DCP2: variants seen among roughly 807,000 people sequenced by gnomAD.
DCP2 encodes the protein decapping mRNA 2, also known as m7GpppN-mRNA hydrolase.
A neutral mutation model predicts 56.1 loss-of-function variants in DCP2; 30 were observed. The observed-to-expected ratio is 0.53, with a 90% CI of 0.40 to 0.73. The LOEUF is 0.73. Among genes scored for constraint, DCP2 ranks in the 30% least tolerant of loss-of-function variants. DCP2 has a pLI of 0.00. For missense variants in DCP2, 533 were observed against 502.7 expected (o/e 1.06, Z -0.58); for synonymous variants, 197 against 163.3 (o/e 1.21, Z -1.57).
chr5:113,021,793 CTA>C lies in DCP2; in HGVS notation c.*8313_*8314del, dbSNP rs1285124256. On this transcript the variant is annotated 3_prime_UTR_variant, in exon 11 of 11. Transcript: ENST00000389063. Reference sequence around the variant, plus strand: ...CAAAGCTGCTTGCCATCTTGTTGTCCTATATGACTTCCTTGCATTTCCAGTCC... The same window carrying C: ...CAAAGCTGCTTGCCATCTTGTTGTCCTATGACTTCCTTGCATTTCCAGTCC... Among the ~76,000 whole-genome samples the C allele has an allele frequency of 1.3e-5, 2 of 152,174 alleles. No homozygotes were observed. The highest frequency in any genetic ancestry group is 2.4e-5 in the African/African-American group (1 of 41,442).
intron 2 of DCP2, among the ~76,000 whole-genome samples, 183 bp downstream of exon 2, chr5:112,986,169 T>A (rs188709305): frequency 2.0e-5 from 3 of 152,186 alleles, no homozygotes; most frequent in Admixed American, 2.0e-4. Flanking sequence ...ATCATAATCA[T>A]TAATACTCAT....
chr5:113,010,334 C>T (rs1749629118), intron 9 of DCP2, among the ~76,000 whole-genome samples: 1 of 151,600 alleles, frequency 6.6e-6, no homozygotes, highest in Non-Finnish European at 1.5e-5. Flanking sequence ...CTGTGAGCCA[C>T]TGTCTCTGGC....
rs191162309 is a variant in DCP2, at chr5:113,006,852, G to C, written c.943-1086G>C. 3.9e-5 allele frequency among the ~76,000 whole-genome samples: 6 copies of C among 152,256 alleles called. No individual in the cohort carries two copies. In the East Asian group the frequency reaches 1.2e-3, roughly 29 times the overall value. On this transcript the variant is annotated intron_variant, in intron 8 of 10. Coordinates refer to ENST00000389063, the MANE Select transcript of DCP2 (RefSeq NM_152624.6). ...CCCACATTTTAAAACATAAATCTTA[G>C]CCGGGAACGTTGGCTCACACCTGTA... is the stretch of plus-strand genomic sequence containing the variant.
intron 9 of DCP2, among the ~76,000 whole-genome samples, chr5:113,009,518 A>G (rs1313928775): frequency 3.9e-5 from 6 of 152,238 alleles, no homozygotes; most frequent in Admixed American, 3.9e-4. Flanking sequence ...CATAAAAATT[A>G]CTAATTGGTA....
At chr5:112,998,953 C>G (rs1020983930) in intron 4 of DCP2, among the ~76,000 whole-genome samples, 6 of 152,156 alleles carry the variant, frequency 3.9e-5, no homozygotes, top group Non-Finnish European at 7.3e-5. Flanking sequence ...CACTAATTGC[C>G]CATTATGATT....
At chr5:113,010,561 TA>T (rs1295470420) in intron 9 of DCP2, among the ~76,000 whole-genome samples, 194 bp from the exon 10 acceptor site, 1 of 151,934 alleles carries the variant, frequency 6.6e-6, no homozygotes, top group Admixed American at 6.6e-5. Flanking sequence ...AATCAAGAAC[TA>T]AAAAAAATTT....
rs886780891 is a variant in DCP2 at position 113,017,559 on chromosome 5, G to C, written c.*4075G>C. ...TCTTGAAGTCTGTACTCCTGTGTCA[G>C]AAAGATGGCAGACTGCAAATGGGCA... On this transcript the variant is annotated 3_prime_UTR_variant, in exon 11 of 11. Transcript: ENST00000389063. 1.3e-5 allele frequency: 2 copies of C among 152,150 alleles called. No individual in the cohort carries two copies. Among genetic ancestry groups the C allele is most frequent in the African/African-American group, 4.8e-5 (2 of 41,436 alleles). 9.4% of individuals were successfully genotyped at this position (152,150 alleles called of 1,614,324 possible). A position where few individuals can be genotyped will look rare whatever the true frequency, so the allele number is the denominator to read the frequency against.
rs1390871717 is a variant in DCP2, at chr5:112,984,698, AAAAAAAT to A, written c.54-1135_54-1129del. 3.6e-5 allele frequency: 4 copies of A among 111,910 alleles called. No individual in the cohort carries two copies. In the South Asian group the frequency reaches 8.1e-4, roughly 23 times the overall value. 6.9% of individuals were successfully genotyped at this position (111,910 alleles called of 1,614,324 possible). A position where few individuals can be genotyped will look rare whatever the true frequency, so the allele number is the denominator to read the frequency against. On this transcript the variant is annotated intron_variant, in intron 1 of 10. Coordinates refer to ENST00000389063, the MANE Select transcript of DCP2 (RefSeq NM_152624.6). ...TTTATTTCTTAATTAAAAAAAAAAA[AAAAAAAT>A]ATATATATATATATATATATTTGAG...
At chr5:113,008,069 T>C (rs769289889) in intron 9 of DCP2, 27 bp downstream of exon 9, 5 of 1,575,036 alleles carry the variant, frequency 3.2e-6, no homozygotes, top group East Asian at 2.2e-5. Flanking sequence ...TCACACTAAG[T>C]AGGCAGTTCA....
At chr5:112,986,359 A>G (rs1467271801) in intron 2 of DCP2, among the ~76,000 whole-genome samples, 2 of 149,800 alleles carry the variant, frequency 1.3e-5, no homozygotes, top group Non-Finnish European at 3.0e-5. Flanking sequence ...TTTTTAAGAG[A>G]CAGGATCTTA....
At position 113,014,087 on chromosome 5, in the gene DCP2, T is replaced by A. The variant is rs1749788002; in HGVS notation, c.*603T>A. On this transcript the variant is annotated 3_prime_UTR_variant, in exon 11 of 11. Coordinates refer to ENST00000389063, the MANE Select transcript of DCP2 (RefSeq NM_152624.6). ...GCATGTCCAAAATGAACTCAGCGCT[T>A]CAAAAGGACAAAGTCTGTAGCCTGG... The A allele has an allele frequency of 6.6e-6, 1 of 152,266 alleles. No homozygotes were observed. The highest frequency in any genetic ancestry group is 1.9e-4 in the East Asian group (1 of 5,190). 9.4% of individuals were successfully genotyped at this position (152,266 alleles called of 1,614,324 possible).
intron 2 of DCP2, among the ~76,000 whole-genome samples, chr5:112,991,016 C>T (rs986458378): frequency 6.6e-6 from 1 of 151,908 alleles, no homozygotes; most frequent in Non-Finnish European, 1.5e-5. Flanking sequence ...ACATTCCTTT[C>T]TATATTATGT....
At position 113,017,545 on chromosome 5, in the gene DCP2, G is replaced by A. The variant is rs1262315719; in HGVS notation, c.*4061G>A. ...TAGAATTGAGTTGCTCTTGAAGTCT[G>A]TACTCCTGTGTCAGAAAGATGGCAG... On this transcript the variant is annotated 3_prime_UTR_variant, in exon 11 of 11. Coordinates refer to ENST00000389063, the MANE Select transcript of DCP2 (RefSeq NM_152624.6). The A allele has an allele frequency of 6.6e-6, 1 of 152,162 alleles. No individual in the cohort carries two copies. The highest frequency in any genetic ancestry group is 6.5e-5 in the Admixed American group (1 of 15,270). 9.4% of individuals were successfully genotyped at this position (152,162 alleles called of 1,614,324 possible). A position where few individuals can be genotyped will look rare whatever the true frequency, so the allele number is the denominator to read the frequency against.
At chr5:112,993,243 C>A (rs985786146) in intron 4 of DCP2, among the ~76,000 whole-genome samples, 1 of 152,164 alleles carries the variant, frequency 6.6e-6, no homozygotes, top group Admixed American at 6.5e-5. Context: ...CCCTCTCCCC[C>A]ACACAAATCT....
At chr5:113,007,820 G>T in intron 8 of DCP2, 118 bp from the exon 9 acceptor site, 1 of 758,046 alleles carries the variant, frequency 1.3e-6, no homozygotes, top group Non-Finnish European at 2.1e-6. Context: ...TGAAAATTTG[G>T]GTAGGAGAAG....
At chr5:113,013,213 G>A (rs1042416935) in intron 10 of DCP2, 108 bp from the exon 11 acceptor site, 2 of 1,205,800 alleles carry the variant, frequency 1.7e-6, no homozygotes, top group Middle Eastern at 2.4e-4. Flanking sequence ...AGTCTGGGAA[G>A]ATAAATATAT....
At chr5:113,005,151 G>GTGTGTGTGTGTGTGTGT (rs1749361092) in intron 8 of DCP2, among the ~76,000 whole-genome samples, 14 of 149,524 alleles carry the variant, frequency 9.4e-5, no homozygotes, top group African/African-American at 1.2e-4. Context: ...TGTGCGTGTG[G>GTGTGTGTGTGTGTGTGT]GTGTGTGTGT....
chr5:112,986,965 T>C (rs1369194809), intron 2 of DCP2, among the ~76,000 whole-genome samples: 1 of 152,184 alleles, frequency 6.6e-6, no homozygotes, highest in Non-Finnish European at 1.5e-5. Context: ...ATGGCACCAC[T>C]GCACTCCAGC....
intron 1 of DCP2, 140 bp from the exon 2 acceptor site, chr5:112,985,695 A>T: frequency 1.2e-6 from 1 of 843,888 alleles, no homozygotes; most frequent in South Asian, 2.3e-5. Context: ...ATTTCTCTCA[A>T]ATATTAATTG....
Sources: gnomAD v4.1 joint callset for allele counts (sites outside exome capture counted in the v4.1 genomes callset) on GRCh38, gnomAD v4.1.1 for gene constraint, MANE v1.5 for transcripts, NCBI Gene and HGNC (gene_info 2026-07-23, HGNC 2026-07-21) for gene names.